ATP8A2: variants seen among roughly 807,000 people sequenced by gnomAD.
ATP8A2 encodes the protein ATPase phospholipid transporting 8A2.
Under a neutral mutation model 165.6 loss-of-function variants are expected in ATP8A2, and 100 were observed. The ratio of observed to expected loss-of-function variants is 0.60; its 90% CI spans 0.51 to 0.71. The LOEUF (loss-of-function observed/expected upper bound fraction) is 0.71. Among genes scored for constraint, ATP8A2 ranks in the 30% least tolerant of loss-of-function variants. The pLI, the probability that ATP8A2 is intolerant of heterozygous loss-of-function variation, is 0.00. For missense variants in ATP8A2, 1,227 were observed against 1,479.5 expected, an observed-to-expected ratio of 0.83 and a Z score of 2.80; for synonymous variants, 543 against 548.8, an observed-to-expected ratio of 0.99 and a Z score of 0.15.
intron 19 of ATP8A2, 50 bp downstream of exon 19, chr13:25,574,907 C>A (rs771289804): frequency 3.9e-5 from 40 of 1,027,574 alleles, no homozygotes; most frequent in Non-Finnish European, 6.0e-5. Flanking sequence ...ATTTATTTAC[C>A]AGCTTCATCA....
chr13:25,841,803 A>G (rs1263560446), intron 30 of ATP8A2, among the ~76,000 whole-genome samples: 1 of 152,212 alleles, frequency 6.6e-6, no homozygotes, highest in Non-Finnish European at 1.5e-5. Context: ...TTTATAGTGA[A>G]CAGAAATGTA....
At chr13:25,824,018 T>G (rs538861190) in intron 27 of ATP8A2, among the ~76,000 whole-genome samples, 1 of 152,280 alleles carries the variant, frequency 6.6e-6, no homozygotes, top group African/African-American at 2.4e-5. Context: ...TCACCCAGGC[T>G]GGGGTGCAGT....
chr13:25,808,488 A>C (rs982115137), intron 27 of ATP8A2, among the ~76,000 whole-genome samples: 3 of 151,604 alleles, frequency 2.0e-5, no homozygotes, highest in Non-Finnish European at 4.4e-5. Flanking sequence ...AATCCCAACT[A>C]TTCGGGAGGC....
intron 33 of ATP8A2, among the ~76,000 whole-genome samples, chr13:25,864,102 T>C (rs1952434028): frequency 6.6e-6 from 1 of 152,214 alleles, no homozygotes; most frequent in African/African-American, 2.4e-5. Flanking sequence ...GCTTAGAATA[T>C]CTGCTTTGTG....
chr13:25,563,295 G>T (rs1283002440), intron 15 of ATP8A2, among the ~76,000 whole-genome samples: 1 of 152,074 alleles, frequency 6.6e-6, no homozygotes, highest in Non-Finnish European at 1.5e-5. Flanking sequence ...TGTAATCCCA[G>T]CTACTTGGGA....
chr13:25,624,165 C>T (rs1221024211), intron 24 of ATP8A2, among the ~76,000 whole-genome samples: 4 of 152,028 alleles, frequency 2.6e-5, no homozygotes, highest in Non-Finnish European at 4.4e-5. Flanking sequence ...TATTTGTTTT[C>T]GTTTACACTT....
chr13:25,643,491 A>T (rs1017674891), intron 24 of ATP8A2, among the ~76,000 whole-genome samples: 1 of 152,074 alleles, frequency 6.6e-6, no homozygotes, highest in Non-Finnish European at 1.5e-5. Context: ...CCTTCTGTGT[A>T]TGGACATCCA....
intron 24 of ATP8A2, among the ~76,000 whole-genome samples, chr13:25,670,021 G>A (rs562987558): frequency 1.4e-4 from 21 of 152,358 alleles, no homozygotes; most frequent in Admixed American, 6.5e-4. Flanking sequence ...GCTGGGGTTA[G>A]AGCATGGTGG....
intron 24 of ATP8A2, among the ~76,000 whole-genome samples, chr13:25,677,317 T>C (rs547712378): frequency 1.3e-5 from 2 of 152,368 alleles, no homozygotes; most frequent in Admixed American, 1.3e-4. Flanking sequence ...CATAGAAAGT[T>C]TTATTGGACA....
At chr13:25,547,635 AAATGT>A (rs1397825176) in intron 10 of ATP8A2, among the ~76,000 whole-genome samples, 9 of 152,164 alleles carry the variant, frequency 5.9e-5, no homozygotes, top group Non-Finnish European at 1.3e-4. Context: ...AGTACACAAT[AAATGT>A]AATGCACTTG....
intron 1 of ATP8A2, chr13:25,468,686 G>A: frequency 2.9e-6 from 1 of 341,078 alleles, no homozygotes; most frequent in Non-Finnish European, 4.2e-6. Flanking sequence ...GGTCCCTGCA[G>A]GGAGGGAGCG....
chr13:25,656,518 C>A (rs910801756), intron 24 of ATP8A2, among the ~76,000 whole-genome samples: 1 of 151,980 alleles, frequency 6.6e-6, no homozygotes, highest in African/African-American at 2.4e-5. Flanking sequence ...TCAGATCTGC[C>A]CACCTCGGCC....
At chr13:25,960,945 T>A (rs1045670212) in intron 33 of ATP8A2, among the ~76,000 whole-genome samples, 1 of 152,208 alleles carries the variant, frequency 6.6e-6, no homozygotes, top group Non-Finnish European at 1.5e-5. Flanking sequence ...GAAATCGTGT[T>A]CATGTTTCCA....
intron 27 of ATP8A2, among the ~76,000 whole-genome samples, chr13:25,806,564 A>G (rs1053508628): frequency 6.6e-6 from 1 of 152,082 alleles, no homozygotes; most frequent in African/African-American, 2.4e-5. Context: ...CAAAAATAAC[A>G]TAAAGCAAGT....
At chr13:25,595,301 G>T (rs2040207394) in intron 24 of ATP8A2, among the ~76,000 whole-genome samples, 1 of 152,142 alleles carries the variant, frequency 6.6e-6, no homozygotes, top group African/African-American at 2.4e-5. Flanking sequence ...AAGGTTTTAT[G>T]AAATAAGTAT....
At chr13:25,661,566 A>G (rs1480465660) in intron 24 of ATP8A2, among the ~76,000 whole-genome samples, 1 of 152,188 alleles carries the variant, frequency 6.6e-6, no homozygotes, top group Non-Finnish European at 1.5e-5. Context: ...GACTTAAGTA[A>G]AGGGTGAGAA....
chr13:25,796,234 C>T lies in ATP8A2; in HGVS notation c.2679+21275C>T, dbSNP rs372810038. Among the ~76,000 whole-genome samples, 121 of 152,270 alleles carry T rather than the reference C, an allele frequency of 7.9e-4. 1 individual carries two copies. Among genetic ancestry groups the T allele is most frequent in the South Asian group, 3.1e-3 (15 of 4,814 alleles). ...AAAGTGCTGGGATTACAGGCACGAG[C>T]CACCGCGCCCGGCCCATAACTAGTT... On this transcript the variant is annotated intron_variant, in intron 27 of 36. Coordinates refer to ENST00000381655, the MANE Select transcript of ATP8A2 (RefSeq NM_016529.6).
At chr13:25,593,214 C>T (rs1237465293) in intron 24 of ATP8A2, among the ~76,000 whole-genome samples, 1 of 152,246 alleles carries the variant, frequency 6.6e-6, no homozygotes, top group South Asian at 2.1e-4. Context: ...AGTCTCAGGG[C>T]TCCAATAACA....
intron 25 of ATP8A2, among the ~76,000 whole-genome samples, chr13:25,740,544 A>T (rs1478420800): frequency 2.0e-5 from 3 of 152,156 alleles, no homozygotes; most frequent in Admixed American, 6.5e-5. Flanking sequence ...ACTGAAATGA[A>T]ATTTAGGAGG....
Sources: gnomAD v4.1 joint callset for allele counts (sites outside exome capture counted in the v4.1 genomes callset) on GRCh38, gnomAD v4.1.1 for gene constraint, MANE v1.5 for transcripts, NCBI Gene and HGNC (gene_info 2026-07-23, HGNC 2026-07-21) for gene names.